The following TIGD4 variants were observed in gnomAD, a reference collection of about 807,000 sequenced individuals.
TIGD4 encodes tigger transposable element-derived protein 4.
TIGD4 carries 20 observed loss-of-function variants against 24.9 expected under a neutral mutation model. The ratio of observed to expected loss-of-function variants is 0.80; its 90% CI spans 0.56 to 1.17. The LOEUF is 1.17. TIGD4 is among the 50% of genes most tolerant of loss of function. The pLI is 0.00. For synonymous variants in TIGD4, 193 were observed against 211.0 expected, an observed-to-expected ratio of 0.91 and a Z score of 0.74; for missense variants, 566 against 591.0, an observed-to-expected ratio of 0.96 and a Z score of 0.44.
intron 1 of TIGD4, among the ~76,000 whole-genome samples, chr4:152,771,744 T>C (rs1003405992): frequency 6.6e-6 from 1 of 152,220 alleles, no homozygotes; most frequent in Admixed American, 6.5e-5. Flanking sequence ...TCTACAGATT[T>C]GAATTCTCAC....
rs1730133366 is a variant in TIGD4, at chr4:152,769,952, T to G, written c.1053A>C (p.Ser351=). 6.2e-7 allele frequency: 1 copy of G among 1,612,886 alleles called. No individual in the cohort carries two copies. The highest frequency in any genetic ancestry group is 1.7e-5 in the Admixed American group (1 of 59,978). Reference sequence around the variant, plus strand: ...GCAATGTATCAACTGCATCTAGTAGTGAAAATGTAAATTCTTTGCTACCTT... The same window carrying G: ...GCAATGTATCAACTGCATCTAGTAGGGAAAATGTAAATTCTTTGCTACCTT... The part of the protein sequence containing the change: ...SVEGSKEFTF[S]LLDAVDTLHL... The change falls in exon 2 of 2, where the codon TCA becomes TCC. Residue 351 remains serine (S), a synonymous_variant. Coordinates refer to ENST00000304337, the MANE Select transcript of TIGD4 (RefSeq NM_145720.4).
rs552588077 is a variant in TIGD4 at position 152,778,318 on chromosome 4, T to C, written c.-539+1164A>G. Among the ~76,000 whole-genome samples the C allele has an allele frequency of 3.3e-5, 5 of 152,366 alleles. No individual in the cohort carries two copies. The South Asian group carries it at 1.0e-3, about 32-fold the overall frequency. On this transcript the variant is annotated intron_variant, in intron 1 of 1. Transcript: ENST00000304337. ...ACATCATTCAAGCACCGCTGAGTCCTACCGTACACTTCCTCCAAGTCACCC... is the reference window on the plus strand; with the variant it reads ...ACATCATTCAAGCACCGCTGAGTCCCACCGTACACTTCCTCCAAGTCACCC...
intron 1 of TIGD4, among the ~76,000 whole-genome samples, chr4:152,776,964 C>T (rs1406759675): frequency 2.0e-5 from 3 of 152,072 alleles, no homozygotes; most frequent in Admixed American, 1.3e-4. Flanking sequence ...TGGATAGGTA[C>T]ATCACAGGTA....
chr4:152,773,484 G>A (rs1730212322), intron 1 of TIGD4, among the ~76,000 whole-genome samples: 1 of 151,986 alleles, frequency 6.6e-6, no homozygotes, highest in African/African-American at 2.4e-5. Flanking sequence ...GTTACAATGT[G>A]GTTAAGAGCA....
intron 1 of TIGD4, among the ~76,000 whole-genome samples, chr4:152,775,116 C>T (rs928308872): frequency 2.0e-5 from 3 of 152,030 alleles, no homozygotes; most frequent in African/African-American, 7.2e-5. Context: ...GGGGATTCAC[C>T]GTGTTAGTCA....
intron 1 of TIGD4, among the ~76,000 whole-genome samples, chr4:152,771,959 CT>C (rs1404079958): frequency 6.6e-6 from 1 of 152,160 alleles, no homozygotes; most frequent in East Asian, 1.9e-4. Context: ...CAAGGTTCAA[CT>C]TTTAATAGCA....
chr4:152,770,014 GA>G lies in TIGD4; in HGVS notation c.990del (p.Arg331AspfsTer9), dbSNP rs746400868. The G allele has an allele frequency of 6.2e-7, 1 of 1,610,268 alleles. No homozygotes were observed. The highest frequency in any genetic ancestry group is 1.7e-5 in the Admixed American group (1 of 59,710). On this transcript the variant is annotated frameshift_variant, in exon 2 of 2. Coordinates refer to ENST00000304337, the MANE Select transcript of TIGD4 (RefSeq NM_145720.4). LOFTEE classifies it low-confidence loss of function (END_TRUNC). The stretch of plus-strand genomic sequence containing the variant: ...AAAAATTTCTTGATAAGACAGTGTC[GA>G]TATTTGATTTTAAGGCTTTTAATAA... ...QGVIKSLKIK[Y>X]RHCLIKKFLS...
rs1730163922 is a variant in TIGD4, at chr4:152,771,057, TC to T, written c.-54del. On this transcript the variant is annotated 5_prime_UTR_variant, in exon 2 of 2. Transcript: ENST00000304337. The stretch of plus-strand genomic sequence containing the variant: ...TCTTCTTAACTTCCTGGTGACTGTT[TC>T]TTTAATTAAATTTGTTTTCCAGTAT... 6.6e-7 allele frequency: 1 copy of T among 1,525,944 alleles called. No individual in the cohort carries two copies. The highest frequency in any genetic ancestry group is 2.4e-5 in the Admixed American group (1 of 42,228). 94.5% of individuals were successfully genotyped at this position (1,525,944 alleles called of 1,614,324 possible). A position where few individuals can be genotyped will look rare whatever the true frequency, so the allele number is the denominator to read the frequency against.
intron 1 of TIGD4, among the ~76,000 whole-genome samples, chr4:152,773,251 A>C (rs1250016081): frequency 6.6e-6 from 1 of 152,252 alleles, no homozygotes. Flanking sequence ...ATCTTTTGAC[A>C]AAACTTTTGC....
rs757414100 is a variant in TIGD4, at chr4:152,770,503, G to A, written c.502C>T (p.Pro168Ser). 3.1e-6 allele frequency: 5 copies of A among 1,611,822 alleles called. No homozygotes were observed. Among genetic ancestry groups the A allele is most frequent in the Non-Finnish European group, 4.2e-6 (5 of 1,179,110 alleles). ...GGATGATAATCATTTAAATAATAAG[G>A]AAGTACATTTTGGTACCAGACAGTC... ...PSTVWYQNVL[P>S]YYLNDYHPKN... The change falls in exon 2 of 2, where the codon CCT becomes TCT. Residue 168 changes from proline (P) to serine (S), a missense_variant. By Grantham distance (74) the Pro-to-Ser change is moderately conservative. Coordinates refer to ENST00000304337, the MANE Select transcript of TIGD4 (RefSeq NM_145720.4).
Position 152,770,331 on chromosome 4 carries a change from G to A in TIGD4, c.674C>T (p.Ser225Leu). 6.2e-7 allele frequency: 1 copy of A among 1,614,060 alleles called. No homozygotes were observed. ...AATGACAAGCAAAGGAAGTTTCTCT[G>A]AGCCATCCATGTTTGTGCCAACCAC... Reference protein sequence around the residue: ...TLVVGTNMDGSEKLPLLVIGK... With the variant: ...TLVVGTNMDGLEKLPLLVIGK... Residue 225 changes from serine (S) to leucine (L), a missense_variant, in exon 2 of 2, where the codon TCA becomes TTA. Ser to Leu is a moderately radical substitution (Grantham distance 145). Coordinates refer to ENST00000304337, the MANE Select transcript of TIGD4 (RefSeq NM_145720.4).
Position 152,770,712 on chromosome 4 carries a change from G to A in TIGD4, c.293C>T (p.Ala98Val). 6.2e-7 allele frequency: 1 copy of A among 1,613,636 alleles called. No individual in the cohort carries two copies. The highest frequency in any genetic ancestry group is 8.5e-7 in the Non-Finnish European group (1 of 1,179,844). Reference protein sequence around the residue: ...EEALMRWYRIAQCLNVPVNGP... With the variant: ...EEALMRWYRIVQCLNVPVNGP... The stretch of plus-strand genomic sequence containing the variant: ...ATTAACTGGTACATTTAGACACTGA[G>A]CAATTCGATACCATCTCATTAATGC... Residue 98 changes from alanine (A) to valine (V), a missense_variant, in exon 2 of 2, where the codon GCT becomes GTT. Transcript: ENST00000304337.
chr4:152,770,572 T>C lies in TIGD4; in HGVS notation c.433A>G (p.Arg145Gly), dbSNP rs752180625. 90 of 1,611,972 alleles carry C rather than the reference T, an allele frequency of 5.6e-5. No homozygotes were observed. In the East Asian group the frequency reaches 1.8e-3, roughly 32 times the overall value. ...RFKSRYGLVF[R>G]AQPVEATGVP... ...CCTGTAGCTTCTACAGGTTGAGCTCTGAATACTAAACCATACCTGGATTTA... is the reference window on the plus strand; with the variant it reads ...CCTGTAGCTTCTACAGGTTGAGCTCCGAATACTAAACCATACCTGGATTTA... The change falls in exon 2 of 2, where the codon AGA (arginine) becomes GGA (glycine). Residue 145 changes from arginine to glycine, a missense_variant. Coordinates refer to ENST00000304337, the MANE Select transcript of TIGD4 (RefSeq NM_145720.4).
chr4:152,771,418 G>A lies in TIGD4; in HGVS notation c.-414C>T, dbSNP rs1730170444. The A allele has an allele frequency of 5.9e-6, 1 of 168,326 alleles. No individual in the cohort carries two copies. The highest frequency in any genetic ancestry group is 1.4e-5 in the Non-Finnish European group (1 of 69,330). 10.4% of individuals were successfully genotyped at this position (168,326 alleles called of 1,614,324 possible). On this transcript the variant is annotated 5_prime_UTR_variant, in exon 2 of 2. Coordinates refer to ENST00000304337, the MANE Select transcript of TIGD4 (RefSeq NM_145720.4). ...AACCTCCTATTAATTCTCCATAGAAGGCCTCAGAGATAAGAAAAAACGTTC... is the reference window on the plus strand; with the variant it reads ...AACCTCCTATTAATTCTCCATAGAAAGCCTCAGAGATAAGAAAAAACGTTC...
rs771401126 is a variant in TIGD4 at position 152,769,891 on chromosome 4, C to A, written c.1114G>T (p.Val372Phe). The A allele has an allele frequency of 2.4e-5, 39 of 1,613,460 alleles. No individual in the cohort carries two copies. The South Asian group carries it at 4.0e-4, about 16-fold the overall frequency. The change falls in exon 2 of 2, where the codon GTT becomes TTT. Residue 372 changes from valine (V) to phenylalanine (F), a missense_variant. Transcript: ENST00000304337. ...AATCCTGCCTCTTCATAGCTTTTAA[C>A]AATAGTCTCTGGGGTTACAGCCCTC... ...CWRAVTPETI[V>F]KSYEEAGFKS...
At position 152,770,688 on chromosome 4, in the gene TIGD4, T is replaced by C. The variant is rs762360697; in HGVS notation, c.317A>G (p.Asn106Ser). Reference sequence around the variant, plus strand: ...AGCTTTTAGACGTAACATCGGACCATTAACTGGTACATTTAGACACTGAGC... The same window carrying C: ...AGCTTTTAGACGTAACATCGGACCACTAACTGGTACATTTAGACACTGAGC... ...RIAQCLNVPV[N>S]GPMLRLKAND... The change falls in exon 2 of 2, where the codon AAT becomes AGT. Residue 106 changes from asparagine (N) to serine (S), a missense_variant. By Grantham distance (46) the Asn-to-Ser change is conservative. Transcript: ENST00000304337. 1.2e-6 allele frequency: 2 copies of C among 1,612,906 alleles called. No individual in the cohort carries two copies. The highest frequency in any genetic ancestry group is 2.2e-5 in the East Asian group (1 of 44,880).
Position 152,771,186 on chromosome 4 carries a change from C to G in TIGD4, c.-182G>C. On this transcript the variant is annotated 5_prime_UTR_variant, in exon 2 of 2. Coordinates refer to ENST00000304337, the MANE Select transcript of TIGD4 (RefSeq NM_145720.4). ...TGACAAAATATGCTTTTTCAAAGAT[C>G]TGAAGAAAAATATTATATGCAACTA... The G allele has an allele frequency of 4.4e-6, 3 of 674,242 alleles. No individual in the cohort carries two copies. Among genetic ancestry groups the G allele is most frequent in the Non-Finnish European group, 6.8e-6 (3 of 440,712 alleles). 41.8% of individuals were successfully genotyped at this position (674,242 alleles called of 1,614,324 possible).
At position 152,769,674 on chromosome 4, in the gene TIGD4, C is replaced by T. The variant is rs372748224; in HGVS notation, c.1331G>A (p.Ser444Asn). Residue 444 changes from serine to asparagine, a missense_variant, in exon 2 of 2, where the codon AGT (serine) becomes AAT (asparagine). By Grantham distance (46) the Ser-to-Asn change is conservative. Coordinates refer to ENST00000304337, the MANE Select transcript of TIGD4 (RefSeq NM_145720.4). ...PNGDSICTKE[S>N]KSDETGFYTS... is the part of the protein sequence containing the mutation. ...GTAAAATCCAGTTTCATCCGATTTA[C>T]TTTCTTTGGTGCATATGGAATCACC... 5.0e-5 allele frequency: 81 copies of T among 1,613,146 alleles called. No individual in the cohort carries two copies. The Admixed American group carries it at 1.3e-3, about 26-fold the overall frequency.
At chr4:152,777,682 A>AG (rs35610458) in intron 1 of TIGD4, among the ~76,000 whole-genome samples, 28,944 of 151,532 alleles carry the variant, frequency 0.19, 2,835 homozygotes, top group Middle Eastern at 0.23. Context: ...AAAAAGAGGA[A>AG]GGAGGGAAAA....
Sources: gnomAD v4.1 joint callset for allele counts (sites outside exome capture counted in the v4.1 genomes callset) on GRCh38, gnomAD v4.1.1 for gene constraint, MANE v1.5 for transcripts, NCBI Gene and HGNC (gene_info 2026-07-23, HGNC 2026-07-21) for gene names.